Variants in CTBP1 observed in about 807,000 individuals in gnomAD.
CTBP1 encodes C-terminal binding protein 1.
CTBP1 carries 11 observed loss-of-function variants against 42.1 expected under a neutral mutation model. That is an observed-to-expected ratio of 0.26 (90% confidence interval 0.16 to 0.43). The LOEUF (loss-of-function observed/expected upper bound fraction) is 0.43. Among genes scored for constraint, CTBP1 ranks in the 20% least tolerant of loss-of-function variants. CTBP1 has a pLI of 1.00. For synonymous variants in CTBP1, 324 were observed against 277.1 expected (o/e 1.17, Z -1.68); for missense variants, 399 against 624.3 (o/e 0.64, Z 3.85).
intron 5 of CTBP1, among the ~76,000 whole-genome samples, chr4:1,224,216 G>A (rs2108745075): frequency 6.6e-6 from 1 of 152,332 alleles, no homozygotes; most frequent in South Asian, 2.1e-4. Context: ...GTGAGGTCAT[G>A]TGTATGGTGT....
chr4:1,237,044 C>T (rs1731590352), intron 3 of CTBP1: 1 of 673,598 alleles, frequency 1.5e-6, no homozygotes, highest in South Asian at 1.6e-5. Context: ...CCTGATGGCG[C>T]TCAGGACAAA....
rs1731814805 is a variant in CTBP1, at chr4:1,238,514, T to C, written c.8-177A>G. ...AAATCCACGTGAAAGACAACTCGTG[T>C]GTGCCTCAGCTCGCTGACTCAAGTG... On this transcript the variant is annotated intron_variant, in intron 2 of 9. Coordinates refer to ENST00000382952, the MANE Select transcript of CTBP1 (RefSeq NM_001012614.2). The surrounding 1 kb of genome is among the most constrained non-coding windows in gnomAD (Gnocchi z 5.9). Among the ~76,000 whole-genome samples, 1 of 152,122 alleles carries C rather than the reference T, an allele frequency of 6.6e-6. No homozygotes were observed. Among genetic ancestry groups the C allele is most frequent in the Admixed American group, 6.5e-5 (1 of 15,284 alleles).
chr4:1,214,283 C>G, intron 7 of CTBP1, 60 bp downstream of exon 7: 1 of 1,482,640 alleles, frequency 6.7e-7, no homozygotes, highest in Non-Finnish European at 8.9e-7. Context: ...GTCTGGAGGT[C>G]AAGGCCGGCA....
chr4:1,234,500 G>C (rs1181939388), intron 3 of CTBP1, among the ~76,000 whole-genome samples: 2 of 152,230 alleles, frequency 1.3e-5, no homozygotes, highest in African/African-American at 4.8e-5. Flanking sequence ...TGTGCAGCCT[G>C]GGTGGGGAGC....
At chr4:1,223,555 C>A (rs1390109735) in intron 5 of CTBP1, 3 of 452,622 alleles carry the variant, frequency 6.6e-6, no homozygotes, top group South Asian at 1.6e-5. Context: ...CAAGGGGAGT[C>A]CCTGGCATGG....
At chr4:1,213,971 A>C in intron 7 of CTBP1, 2 of 394,142 alleles carry the variant, frequency 5.1e-6, no homozygotes, top group South Asian at 4.1e-5. Context: ...TGAACATCCA[A>C]CCCAGGGCTG....
intron 1 of CTBP1, 38 bp from the exon 2 acceptor site, chr4:1,241,557 C>G: frequency 6.5e-7 from 1 of 1,537,238 alleles, no homozygotes; most frequent in Non-Finnish European, 8.7e-7. Flanking sequence ...AAAATGCCAT[C>G]GAAGGTCCGA....
chr4:1,233,235 T>C lies in CTBP1; in HGVS notation c.163-4892A>G, dbSNP rs148242823. ...GGCTCCAGGCCTGTCCTACACTCCATTACCATGACAACGCCAGCTTGTGTG... is the reference window on the plus strand; with the variant it reads ...GGCTCCAGGCCTGTCCTACACTCCACTACCATGACAACGCCAGCTTGTGTG... On this transcript the variant is annotated intron_variant, in intron 3 of 9. Transcript: ENST00000382952. The surrounding 1 kb of genome is among the most constrained non-coding windows in gnomAD (Gnocchi z 4.6). 1 of 152,334 alleles carries C rather than the reference T, an allele frequency of 6.6e-6. No homozygotes were observed. Among genetic ancestry groups the C allele is most frequent in the Non-Finnish European group, 1.5e-5 (1 of 68,052 alleles). 9.4% of individuals were successfully genotyped at this position (152,334 alleles called of 1,614,324 possible).
intron 3 of CTBP1, chr4:1,236,483 G>A: frequency 3.4e-6 from 2 of 595,702 alleles, no homozygotes; most frequent in Admixed American, 2.8e-5. Context: ...CCGAGGACCT[G>A]CTCTCTGGGA....
chr4:1,231,784 G>A (rs1577055356), intron 3 of CTBP1, among the ~76,000 whole-genome samples: 1 of 152,240 alleles, frequency 6.6e-6, no homozygotes, highest in South Asian at 2.1e-4. Context: ...CAGATTTCCA[G>A]AGAAACTGCC....
intron 3 of CTBP1, chr4:1,237,731 G>T: frequency 1.4e-6 from 1 of 697,534 alleles, no homozygotes; most frequent in Non-Finnish European, 2.6e-6. Context: ...TCCTGATGGG[G>T]CTCAGGGAAA....
rs916754538 is a variant in CTBP1 at position 1,225,574 on chromosome 4, G to A, written c.308-8C>T. 17 of 1,538,570 alleles carry A rather than the reference G, an allele frequency of 1.1e-5. No individual in the cohort carries two copies. Among genetic ancestry groups the A allele is most frequent in the East Asian group, 7.3e-5 (3 of 40,890 alleles). On this transcript the variant is annotated splice_polypyrimidine_tract_variant and splice_region_variant and intron_variant, in intron 4 of 9. Coordinates refer to ENST00000382952, the MANE Select transcript of CTBP1 (RefSeq NM_001012614.2). Reference sequence around the variant, plus strand: ...CGTTGCAGACGGCAATGCCTGTGGGGACAAGGACACGGCGGTCACCCCCGG... The same window carrying A: ...CGTTGCAGACGGCAATGCCTGTGGGAACAAGGACACGGCGGTCACCCCCGG...
chr4:1,236,385 C>T, intron 3 of CTBP1: 1 of 523,942 alleles, frequency 1.9e-6, no homozygotes, highest in Non-Finnish European at 3.4e-6. Flanking sequence ...AGGCCGCGGG[C>T]AATGCCGAGA....
chr4:1,249,312 C>G (rs1051819523), upstream of CTBP1: 1 of 150,050 alleles, frequency 6.7e-6, no homozygotes, highest in Non-Finnish European at 1.5e-5. Flanking sequence ...AGGCCCCGGG[C>G]CTGGTGTTCC....
At chr4:1,242,327 C>G (rs1398963636) in intron 1 of CTBP1, 1 of 985,230 alleles carries the variant, frequency 1.0e-6, no homozygotes, top group Non-Finnish European at 1.2e-6. Flanking sequence ...AGCACCGAGG[C>G]TGACCCCAAC....
rs530777428 is a variant in CTBP1, at chr4:1,219,580, G to C, written c.515-3375C>G. Among the ~76,000 whole-genome samples, 3 of 152,282 alleles carry C rather than the reference G, an allele frequency of 2.0e-5. No homozygotes were observed. In the South Asian group the frequency reaches 6.2e-4, roughly 32 times the overall value. ...ACACTCACTGCTGCTGATGATTGTA[G>C]CTAATGCAAAAAGGCAAAAATAAAG... On this transcript the variant is annotated intron_variant, in intron 5 of 9. Transcript: ENST00000382952.
In CTBP1 at chr4:1,214,335, G is replaced by A. The variant is rs1728874120; in HGVS notation, c.860+8C>T. 6.5e-7 allele frequency: 1 copy of A among 1,544,624 alleles called. No homozygotes were observed. Among genetic ancestry groups the A allele is most frequent in the Non-Finnish European group, 8.7e-7 (1 of 1,153,260 alleles). ...AGAGCAGGGGGGCGGCACTGGCCGT[G>A]GGGGCACCTGAAGGGTTCCGACTCG... On this transcript the variant is annotated splice_region_variant and intron_variant, in intron 7 of 9. Transcript: ENST00000382952.
intron 6 of CTBP1, 124 bp downstream of exon 6, chr4:1,215,866 GC>G: frequency 1.9e-6 from 2 of 1,057,762 alleles, no homozygotes; most frequent in Non-Finnish European, 2.7e-6. Flanking sequence ...GGCAGCCGCC[GC>G]CATGTGGCTC....
chr4:1,218,634 G>C (rs1331741252), intron 5 of CTBP1: 3 of 152,148 alleles, frequency 2.0e-5, no homozygotes, highest in African/African-American at 7.2e-5. Flanking sequence ...TTCTTGTACG[G>C]TTTTCTGCAT....
Sources: allele counts gnomAD v4.1 joint callset (sites outside exome capture counted in the v4.1 genomes callset), GRCh38; gene constraint gnomAD v4.1.1; non-coding constraint Gnocchi (gnomAD v3.1); transcripts MANE v1.5; gene names NCBI Gene and HGNC (gene_info 2026-07-23, HGNC 2026-07-21).